Variants in NCALD observed in about 807,000 individuals in gnomAD.
The protein encoded by NCALD is neurocalcin delta, also known as neurocalcin-delta.
In NCALD, 10 loss-of-function variants were observed where a neutral mutation model predicts 18.6. That is an observed-to-expected ratio of 0.54 (90% CI 0.33 to 0.91). NCALD has a LOEUF of 0.91. Ranked by LOEUF, NCALD falls within the 40% of genes least tolerant of loss-of-function variation. The pLI is 0.03. For missense variants in NCALD, 184 were observed against 247.6 expected, an observed-to-expected ratio of 0.74 and a Z score of 1.72; for synonymous variants, 88 against 87.4, an observed-to-expected ratio of 1.01 and a Z score of -0.04.
chr8:102,035,679 C>T (rs144899233), intron 1 of NCALD, among the ~76,000 whole-genome samples: 158 of 152,240 alleles, frequency 1.0e-3, no homozygotes, highest in African/African-American at 3.5e-3. Context: ...CATTAGGTAA[C>T]TACTTGTCTC....
intron 2 of NCALD, among the ~76,000 whole-genome samples, chr8:101,979,998 G>T (rs1391586986): frequency 6.6e-6 from 1 of 152,148 alleles, no homozygotes; most frequent in East Asian, 1.9e-4. Context: ...TGGTGGTCCT[G>T]TGAAGGCTTG....
intron 4 of NCALD, among the ~76,000 whole-genome samples, chr8:101,812,075 C>T (rs1452076037): frequency 6.6e-6 from 1 of 152,152 alleles, no homozygotes; most frequent in Non-Finnish European, 1.5e-5. Flanking sequence ...GTTAAACCTG[C>T]CTTGAGGCTA....
intron 1 of NCALD, among the ~76,000 whole-genome samples, chr8:102,040,471 C>CAAAAAAAAA (rs60568830): frequency 7.4e-6 from 1 of 135,690 alleles, no homozygotes; most frequent in African/African-American, 3.0e-5. Context: ...GAGAATCCAT[C>CAAAAAAAAA]AAAAAAAAAA....
In NCALD at chr8:101,740,307, A is replaced by T. The variant is rs568622178; in HGVS notation, c.-19-20659T>A. 1.6e-3 allele frequency among the ~76,000 whole-genome samples: 249 copies of T among 152,372 alleles called. 1 individual carries two copies. Among genetic ancestry groups the T allele is most frequent in the Non-Finnish European group, 2.2e-3 (151 of 68,042 alleles). ...ATAAAGGCCAGTCCCTTCTTGCATG[A>T]GTCCATAGGACTTTCACATACACTA... is the stretch of plus-strand genomic sequence containing the variant. On this transcript the variant is annotated intron_variant, in intron 1 of 3. Transcript: ENST00000220931.
At chr8:101,941,541 T>C (rs1295432810) in intron 2 of NCALD, among the ~76,000 whole-genome samples, 2 of 152,240 alleles carry the variant, frequency 1.3e-5, no homozygotes, top group African/African-American at 2.4e-5. Flanking sequence ...TCATTCACTA[T>C]ATGTATATAA....
intron 1 of NCALD, among the ~76,000 whole-genome samples, chr8:101,733,348 C>T (rs1563709829): frequency 6.6e-6 from 1 of 152,164 alleles, no homozygotes; most frequent in Non-Finnish European, 1.5e-5. Flanking sequence ...GGTAGCAGAA[C>T]AACTCCACTG....
chr8:101,709,956 TATAA>T (rs1226017191), intron 2 of NCALD, among the ~76,000 whole-genome samples: 6 of 152,348 alleles, frequency 3.9e-5, no homozygotes, highest in African/African-American at 1.4e-4. Flanking sequence ...ATTTGTCACT[TATAA>T]ATAAACACAT....
intron 1 of NCALD, among the ~76,000 whole-genome samples, chr8:102,108,619 A>G (rs893665359): frequency 3.3e-5 from 5 of 152,212 alleles, no homozygotes; most frequent in African/African-American, 1.2e-4. Context: ...CGATAGCAGG[A>G]GCTACAACAA....
At chr8:101,794,854 AT>A (rs1339678219), upstream of NCALD, among the ~76,000 whole-genome samples, 3 of 152,196 alleles carry the variant, frequency 2.0e-5, no homozygotes, top group African/African-American at 7.2e-5. Flanking sequence ...TTTAGAAAAA[AT>A]TGAATTATTT....
At position 101,776,357 on chromosome 8, in the gene NCALD, T is replaced by G. The variant is rs551669326; in HGVS notation, c.-20+14505A>C. On this transcript the variant is annotated intron_variant, in intron 1 of 3. Coordinates refer to ENST00000220931, the MANE Select transcript of NCALD (RefSeq NM_032041.3). ...TCTTTCACTCACTGACAAACACTTA[T>G]CAGGTACCTGCTTTGTGAATAGAAT... Among the ~76,000 whole-genome samples the G allele has an allele frequency of 2.0e-5, 3 of 152,290 alleles. No homozygotes were observed. In the East Asian group the frequency reaches 5.8e-4, roughly 29 times the overall value.
chr8:101,888,560 G>A (rs190879586), intron 3 of NCALD, among the ~76,000 whole-genome samples: 1 of 152,126 alleles, frequency 6.6e-6, no homozygotes. Flanking sequence ...TGGGACTGCA[G>A]GGATGCCCCA....
At chr8:101,741,936 C>CAAA (rs71278804) in intron 1 of NCALD, among the ~76,000 whole-genome samples, 12 of 76,120 alleles carry the variant, frequency 1.6e-4, no homozygotes, top group Middle Eastern at 0.013. Context: ...AAGCCTGTCT[C>CAAA]AAAAAAAAAA....
At chr8:101,907,027 A>T (rs1024035239) in intron 3 of NCALD, among the ~76,000 whole-genome samples, 9 of 152,162 alleles carry the variant, frequency 5.9e-5, no homozygotes, top group Admixed American at 2.0e-4. Flanking sequence ...TTCCAGTGTG[A>T]CTCTGCACAG....
At chr8:101,728,845 A>G (rs751677772) in intron 1 of NCALD, among the ~76,000 whole-genome samples, 18 of 152,116 alleles carry the variant, frequency 1.2e-4, no homozygotes, top group Non-Finnish European at 2.2e-4. Flanking sequence ...AAACAAACAA[A>G]CAAAAAGCAC....
chr8:101,835,647 C>T (rs1280637982), intron 4 of NCALD, among the ~76,000 whole-genome samples: 11 of 152,222 alleles, frequency 7.2e-5, no homozygotes, highest in African/African-American at 2.7e-4. Flanking sequence ...TGACACACAT[C>T]ACTTCCATTC....
intron 2 of NCALD, among the ~76,000 whole-genome samples, chr8:101,717,000 A>G (rs553328110): frequency 2.9e-4 from 44 of 152,354 alleles, no homozygotes; most frequent in African/African-American, 1.1e-3. Flanking sequence ...CACACCCCTG[A>G]GGAAACCTTA....
At chr8:101,866,159 G>A (rs1259744933) in intron 4 of NCALD, among the ~76,000 whole-genome samples, 3 of 152,184 alleles carry the variant, frequency 2.0e-5, no homozygotes, top group Non-Finnish European at 4.4e-5. Context: ...TAAAGCCAAT[G>A]GTCAATTCTC....
At chr8:101,840,144 A>G (rs552900427) in intron 4 of NCALD, among the ~76,000 whole-genome samples, 2 of 152,236 alleles carry the variant, frequency 1.3e-5, no homozygotes, top group African/African-American at 4.8e-5. Context: ...GCTGAAGAGC[A>G]TGTTCAAATT....
chr8:102,115,882 A>C (rs1825766906), intron 1 of NCALD, among the ~76,000 whole-genome samples: 1 of 152,214 alleles, frequency 6.6e-6, no homozygotes, highest in Non-Finnish European at 1.5e-5. Flanking sequence ...CTTCAATGCC[A>C]TCCAGCAAAG....
Sources: gnomAD v4.1 joint callset for allele counts (sites outside exome capture counted in the v4.1 genomes callset) on GRCh38, gnomAD v4.1.1 for gene constraint, MANE v1.5 for transcripts, NCBI Gene and HGNC (gene_info 2026-07-23, HGNC 2026-07-21) for gene names.